The following EXOC3L2 variants were observed in gnomAD, a reference collection of about 807,000 sequenced individuals.
The protein encoded by EXOC3L2 is exocyst complex component 3 like 2, also known as exocyst complex component 3-like protein 2.
In EXOC3L2, 17 loss-of-function variants were observed where a neutral mutation model predicts 44.4. That is an observed-to-expected ratio of 0.38 (90% CI 0.26 to 0.57). The LOEUF is 0.57. Among genes scored for constraint, EXOC3L2 ranks in the 20% least tolerant of loss-of-function variants. The pLI, the probability that EXOC3L2 is intolerant of heterozygous loss-of-function variation, is 0.65. For missense variants in EXOC3L2, 541 were observed against 588.4 expected (o/e 0.92, Z 0.83); for synonymous variants, 256 against 253.7 (o/e 1.01, Z -0.09).
rs143393432 is a variant in EXOC3L2 at position 45,212,738 on chromosome 19, G to T, written c.*331C>A. 830 of 221,858 alleles carry T rather than the reference G, an allele frequency of 3.7e-3. 11 individuals are homozygous for T. The highest frequency in any genetic ancestry group is 0.018 in the African/African-American group (777 of 43,144). The allele number at this position is 221,858 out of a possible 1,614,324, so 13.7% of individuals were successfully genotyped here. ...GCCTCACCAGTAGCTGGGACTACAG[G>T]CACACACCACCGTGCCCAGCTAATT... On this transcript the variant is annotated 3_prime_UTR_variant, in exon 12 of 12. Transcript: ENST00000413988.
intron 4 of EXOC3L2, among the ~76,000 whole-genome samples, chr19:45,229,016 A>G (rs1969998599): frequency 6.6e-6 from 1 of 151,920 alleles, no homozygotes; most frequent in Non-Finnish European, 1.5e-5. Context: ...GCTTGCAGTG[A>G]GCCGAGATTG....
chr19:45,217,566 C>G lies in EXOC3L2; in HGVS notation c.1960G>C (p.Glu654Gln). 1 of 1,561,390 alleles carries G rather than the reference C, an allele frequency of 6.4e-7. No homozygotes were observed. The highest frequency in any genetic ancestry group is 8.6e-7 in the Non-Finnish European group (1 of 1,160,792). The change falls in exon 10 of 12, where the codon GAG becomes CAG. Residue 654 changes from glutamate to glutamine, a missense_variant. Physicochemically the swap from Glu to Gln is conservative, Grantham distance 29. Transcript: ENST00000413988. Reference sequence around the variant, plus strand: ...AGCCTCTGCAGTTGCGCCGCGTCCTCCCGGAGCCTGCCGGCCACGCGGCTG... The same window carrying G: ...AGCCTCTGCAGTTGCGCCGCGTCCTGCCGGAGCCTGCCGGCCACGCGGCTG... Reference protein sequence around the residue: ...TRSRVAGRLREDAAQLQRLFR... With the variant: ...TRSRVAGRLRQDAAQLQRLFR...
At chr19:45,245,177 G>A (rs139272957) in intron 1 of EXOC3L2, among the ~76,000 whole-genome samples, 164 bp downstream of exon 1, 3,269 of 151,928 alleles carry the variant, frequency 0.022, 49 homozygotes, top group Non-Finnish European at 0.034. Flanking sequence ...CTTCTCGCCA[G>A]CACCCCTCTG....
In EXOC3L2 at chr19:45,217,672, G is replaced by C; in HGVS notation, c.1854C>G (p.Ala618=). ...CGACCAGCGCCCGCCGGTGTAGCTC[G>C]GCTACCAGCGCCTGGAGGCGGAGGA... ...MQDEPYQALV[A]ELHRRALVEY... is the part of the protein sequence containing the mutation. Residue 618 remains alanine, a synonymous_variant, in exon 10 of 12, where the codon GCC becomes GCG. Coordinates refer to ENST00000413988, the MANE Select transcript of EXOC3L2 (RefSeq NM_001382422.1). 7 of 1,403,652 alleles carry C rather than the reference G, an allele frequency of 5.0e-6. No individual in the cohort carries two copies. Among genetic ancestry groups the C allele is most frequent in the Non-Finnish European group, 6.4e-6 (7 of 1,086,744 alleles). 86.9% of individuals were successfully genotyped at this position (1,403,652 alleles called of 1,614,324 possible). A position where few individuals can be genotyped will look rare whatever the true frequency, so the allele number is the denominator to read the frequency against.
At chr19:45,245,133 C>T (rs939135897) in intron 1 of EXOC3L2, among the ~76,000 whole-genome samples, 5 of 152,004 alleles carry the variant, frequency 3.3e-5, no homozygotes, top group Non-Finnish European at 1.5e-5. Context: ...AAATTCTCCC[C>T]TGCACCCTCC....
At chr19:45,215,204 C>T (rs775795824) in intron 11 of EXOC3L2, among the ~76,000 whole-genome samples, 14 of 152,136 alleles carry the variant, frequency 9.2e-5, no homozygotes, top group African/African-American at 1.7e-4. Context: ...GGCTGGGCAA[C>T]GGTGGCTCAC....
intron 7 of EXOC3L2, among the ~76,000 whole-genome samples, chr19:45,225,720 T>G (rs2122970768): frequency 6.6e-6 from 1 of 151,656 alleles, no homozygotes; most frequent in South Asian, 2.1e-4. Flanking sequence ...CCTCCCAGGT[T>G]CAAGTGAGTC....
chr19:45,234,695 C>T lies in EXOC3L2; in HGVS notation c.655G>A (p.Gly219Ser). The T allele has an allele frequency of 2.6e-6, 1 of 386,690 alleles. No individual in the cohort carries two copies. The highest frequency in any genetic ancestry group is 4.6e-6 in the Non-Finnish European group (1 of 218,440). 24.0% of individuals were successfully genotyped at this position (386,690 alleles called of 1,614,324 possible). A position where few individuals can be genotyped will look rare whatever the true frequency, so the allele number is the denominator to read the frequency against. Residue 219 changes from glycine to serine, a missense_variant, in exon 3 of 12, where the codon GGC becomes AGC. Physicochemically the swap from Gly to Ser is moderately conservative, Grantham distance 56. Coordinates refer to ENST00000413988, the MANE Select transcript of EXOC3L2 (RefSeq NM_001382422.1). The surrounding 1 kb of genome is among the most constrained non-coding windows in gnomAD (Gnocchi z 5.0). ...ACGTCCCGCGCCCGGCGGCCCCCGC[C>T]AGCGCCCTCGGCCTTGGGAGGCCCA... is the stretch of plus-strand genomic sequence containing the variant. ...APGPPKAEGA[G>S]GGRRARDVAL...
At chr19:45,242,896 G>A (rs80165327) in intron 1 of EXOC3L2, among the ~76,000 whole-genome samples, 3,302 of 148,958 alleles carry the variant, frequency 0.022, 53 homozygotes, top group Non-Finnish European at 0.035. Context: ...TTACAAATGC[G>A]TGCAGCCTCC....
chr19:45,215,581 G>C (rs1969823931), intron 11 of EXOC3L2, among the ~76,000 whole-genome samples: 1 of 152,170 alleles, frequency 6.6e-6, no homozygotes, highest in South Asian at 2.1e-4. Context: ...TGATGATGAT[G>C]ATGATGATGA....
At chr19:45,222,146 C>T (rs1969904572) in intron 8 of EXOC3L2, among the ~76,000 whole-genome samples, 1 of 151,768 alleles carries the variant, frequency 6.6e-6, no homozygotes, top group South Asian at 2.1e-4. Context: ...CACAGGCATG[C>T]GAGCACAGCA....
At chr19:45,245,203 T>TTC (rs1482282191) in intron 1 of EXOC3L2, 138 bp downstream of exon 1, 4 of 152,014 alleles carry the variant, frequency 2.6e-5, no homozygotes, top group Non-Finnish European at 5.9e-5. Context: ...AGGCCCCAGA[T>TTC]TCTCTCTTTG....
intron 7 of EXOC3L2, among the ~76,000 whole-genome samples, chr19:45,226,241 G>A (rs1969958688): frequency 6.6e-6 from 1 of 152,128 alleles, no homozygotes; most frequent in Non-Finnish European, 1.5e-5. Context: ...TGTGATTTGG[G>A]CAGAAAGTGC....
intron 8 of EXOC3L2, among the ~76,000 whole-genome samples, chr19:45,223,739 C>G (rs1969923906): frequency 6.6e-6 from 1 of 151,254 alleles, no homozygotes; most frequent in South Asian, 2.1e-4. Flanking sequence ...CACCTGTAAT[C>G]CCAGCACTTT....
rs1485965850 is a variant in EXOC3L2 at position 45,216,072 on chromosome 19, C to T, written c.2120+1G>A. 1 of 1,613,842 alleles carries T rather than the reference C, an allele frequency of 6.2e-7. No individual in the cohort carries two copies. Among genetic ancestry groups the T allele is most frequent in the Middle Eastern group, 1.6e-4 (1 of 6,062 alleles). On this transcript the variant is annotated splice_donor_variant, in intron 11 of 11. Transcript: ENST00000413988. LOFTEE classifies it high-confidence loss of function. ...GCCCTGGCCCAGGCGGGGTGTCTCA[C>T]CTGATGTCTGGGTAGTCGCGCACCA... is the stretch of plus-strand genomic sequence containing the variant.
intron 3 of EXOC3L2, among the ~76,000 whole-genome samples, chr19:45,233,890 C>T (rs556439763): frequency 3.9e-5 from 6 of 152,270 alleles, no homozygotes; most frequent in South Asian, 2.1e-4. Context: ...GGGTGGACAG[C>T]GAGGCGATCT....
intron 1 of EXOC3L2, among the ~76,000 whole-genome samples, chr19:45,239,999 A>T (rs2122993599): frequency 6.6e-6 from 1 of 151,798 alleles, no homozygotes; most frequent in Non-Finnish European, 1.5e-5. Flanking sequence ...ACACCCCCTC[A>T]TCCCCTTCAT....
intron 8 of EXOC3L2, among the ~76,000 whole-genome samples, chr19:45,219,937 T>C (rs1449253901): frequency 1.3e-5 from 2 of 152,020 alleles, no homozygotes; most frequent in African/African-American, 2.4e-5. Context: ...TTTGGGAGGC[T>C]GAGGTGGGTG....
At position 45,217,613 on chromosome 19, in the gene EXOC3L2, C is replaced by A; in HGVS notation, c.1913G>T (p.Arg638Leu). 6.6e-7 allele frequency: 1 copy of A among 1,504,338 alleles called. No homozygotes were observed. Among genetic ancestry groups the A allele is most frequent in the Admixed American group, 2.3e-5 (1 of 44,268 alleles). The allele number at this position is 1,504,338 out of a possible 1,614,324, so 93.2% of individuals were successfully genotyped here. ...GCTGCGGGTCCGCGCCGAGCTGCAGCGCAGGCGCCCACGGAGCAGGGGCCG... is the reference window on the plus strand; with the variant it reads ...GCTGCGGGTCCGCGCCGAGCTGCAGAGCAGGCGCCCACGGAGCAGGGGCCG... Reference protein sequence around the residue: ...YVRPLLRGRLRCSSARTRSRV... With the variant: ...YVRPLLRGRLLCSSARTRSRV... Residue 638 changes from arginine (R) to leucine (L), a missense_variant, in exon 10 of 12, where the codon CGC (arginine) becomes CTC (leucine). Coordinates refer to ENST00000413988, the MANE Select transcript of EXOC3L2 (RefSeq NM_001382422.1).
Sources: allele counts gnomAD v4.1 joint callset (sites outside exome capture counted in the v4.1 genomes callset), GRCh38; gene constraint gnomAD v4.1.1; non-coding constraint Gnocchi (gnomAD v3.1); transcripts MANE v1.5; gene names NCBI Gene and HGNC (gene_info 2026-07-23, HGNC 2026-07-21).